Variants in SIPA1L1 observed in about 807,000 individuals in gnomAD.
SIPA1L1 encodes signal-induced proliferation-associated 1-like protein 1.
Under a neutral mutation model 162.7 loss-of-function variants are expected in SIPA1L1, and 26 were observed. The observed-to-expected ratio is 0.16, with a 90% CI of 0.12 to 0.22. The LOEUF is 0.22. Among genes scored for constraint, SIPA1L1 ranks in the 10% least tolerant of loss-of-function variants. The pLI is 1.00. For synonymous variants in SIPA1L1, 829 were observed against 837.4 expected (o/e 0.99, Z 0.17); for missense variants, 1,874 against 2,241.0 (o/e 0.84, Z 3.31).
chr14:71,431,511 C>T (rs556464384), intron 2 of SIPA1L1, among the ~76,000 whole-genome samples: 41 of 151,466 alleles, frequency 2.7e-4, no homozygotes, highest in African/African-American at 8.5e-4. Context: ...TGGGCAACAT[C>T]GTGAGACCTA....
chr14:71,688,181 G>A (rs147937902), intron 13 of SIPA1L1, among the ~76,000 whole-genome samples: 1 of 152,234 alleles, frequency 6.6e-6, no homozygotes, highest in Non-Finnish European at 1.5e-5. Context: ...AGGTACTATA[G>A]ATTGAATATC....
At chr14:71,485,089 A>G (rs923081830) in intron 2 of SIPA1L1, among the ~76,000 whole-genome samples, 2 of 152,214 alleles carry the variant, frequency 1.3e-5, no homozygotes, top group Non-Finnish European at 2.9e-5. Flanking sequence ...GAATAGAGAA[A>G]GAGGTACAAT....
intron 2 of SIPA1L1, among the ~76,000 whole-genome samples, chr14:71,397,644 T>G (rs923622178): frequency 1.3e-5 from 2 of 152,218 alleles, no homozygotes; most frequent in Non-Finnish European, 2.9e-5. Flanking sequence ...ATTTAAAAAC[T>G]TCATGGAATC....
At chr14:71,579,710 A>G (rs115942217) in intron 4 of SIPA1L1, among the ~76,000 whole-genome samples, 1,765 of 152,346 alleles carry the variant, frequency 0.012, 35 homozygotes, top group African/African-American at 0.041. Flanking sequence ...GTTGATATCA[A>G]TCATGATTAA....
At position 71,565,662 on chromosome 14, in the gene SIPA1L1, T is replaced by C. The variant is rs188847678; in HGVS notation, c.-302-21909T>C. Among the ~76,000 whole-genome samples, 72 of 152,344 alleles carry C rather than the reference T, an allele frequency of 4.7e-4. 1 individual carries two copies. The highest frequency in any genetic ancestry group is 1.7e-3 in the African/African-American group (71 of 41,586). On this transcript the variant is annotated intron_variant, in intron 4 of 23. Coordinates refer to ENST00000381232, the MANE Select transcript of SIPA1L1 (RefSeq NM_001386936.1). Reference sequence around the variant, plus strand: ...CATTGCATAAATAAATATCCACATATGGTAAGATTTACTCCTCCTTTAAAT... The same window carrying C: ...CATTGCATAAATAAATATCCACATACGGTAAGATTTACTCCTCCTTTAAAT...
intron 4 of SIPA1L1, among the ~76,000 whole-genome samples, chr14:71,554,828 C>CT (rs1178567591): frequency 2.0e-5 from 3 of 151,758 alleles, no homozygotes; most frequent in Non-Finnish European, 4.4e-5. Context: ...GTGATGAACC[C>CT]TTTTTTTGCA....
chr14:71,661,405 C>T lies in SIPA1L1; in HGVS notation c.2193C>T (p.His731=). Residue 731 remains histidine, a synonymous_variant, in exon 10 of 24, where the codon CAC becomes CAT. Transcript: ENST00000381232. The part of the protein sequence containing the change: ...QPFSPKNIRS[H]FQHVFVIVRV... ...TCAGCCCAAAAAACATCCGATCCCA[C>T]TTCCAGCACGTTTTCGTCATCGTCA... 4.3e-6 allele frequency: 7 copies of T among 1,614,048 alleles called. No individual in the cohort carries two copies. The highest frequency in any genetic ancestry group is 5.1e-6 in the Non-Finnish European group (6 of 1,179,948).
At chr14:71,416,419 G>C (rs974182542) in intron 2 of SIPA1L1, 1 of 151,338 alleles carries the variant, frequency 6.6e-6, no homozygotes, top group Non-Finnish European at 1.5e-5. Context: ...CTTTTGAATT[G>C]AGTTGCTTCG....
At chr14:71,677,351 T>C (rs1299355192) in intron 12 of SIPA1L1, among the ~76,000 whole-genome samples, 2 of 152,236 alleles carry the variant, frequency 1.3e-5, no homozygotes, top group Non-Finnish European at 2.9e-5. Flanking sequence ...TTGTTTAAGT[T>C]CTTTGTAGAT....
intron 2 of SIPA1L1, among the ~76,000 whole-genome samples, chr14:71,476,353 G>A (rs1276538183): frequency 6.6e-6 from 1 of 152,126 alleles, no homozygotes; most frequent in Non-Finnish European, 1.5e-5. Context: ...AGAACTGTTG[G>A]GCTCTGTTGA....
chr14:71,710,839 A>G (rs2082826351), intron 17 of SIPA1L1, among the ~76,000 whole-genome samples: 1 of 151,810 alleles, frequency 6.6e-6, no homozygotes, highest in Non-Finnish European at 1.5e-5. Context: ...AGAAAGAAAG[A>G]AAAAGAAAAG....
In SIPA1L1 at chr14:71,739,497, C is replaced by A. The variant is rs2085618512; in HGVS notation, c.*336C>A. ...TGGACCAGGGCGCCCCCTGGCCCAT[C>A]CGCCTCTATTCCCATCAGCTTTCTT... On this transcript the variant is annotated 3_prime_UTR_variant, in exon 24 of 24. Coordinates refer to ENST00000381232, the MANE Select transcript of SIPA1L1 (RefSeq NM_001386936.1). The A allele has an allele frequency of 1.2e-5, 2 of 162,260 alleles. No homozygotes were observed. The highest frequency in any genetic ancestry group is 2.7e-5 in the Non-Finnish European group (2 of 74,956). 10.1% of individuals were successfully genotyped at this position (162,260 alleles called of 1,614,324 possible).
intron 16 of SIPA1L1, among the ~76,000 whole-genome samples, chr14:71,707,792 C>CT (rs1051665918): frequency 6.6e-6 from 1 of 151,820 alleles, no homozygotes; most frequent in Admixed American, 6.6e-5. Flanking sequence ...TGAAACATGC[C>CT]TTTTTATTTC....
rs551955306 is a variant in SIPA1L1, at chr14:71,579,784, A to G, written c.-302-7787A>G. ...CTCCTTTCTACTTTTTTCCTCAGCT[A>G]AATTTAAACGTGTTTTTTCAAGTGC... On this transcript the variant is annotated intron_variant, in intron 4 of 23. Transcript: ENST00000381232. 3.2e-4 allele frequency among the ~76,000 whole-genome samples: 49 copies of G among 152,302 alleles called. 1 individual carries two copies. The East Asian group carries it at 5.4e-3, about 17-fold the overall frequency.
intron 12 of SIPA1L1, among the ~76,000 whole-genome samples, chr14:71,680,447 A>T (rs189720170): frequency 2.3e-4 from 35 of 152,362 alleles, no homozygotes; most frequent in African/African-American, 8.2e-4. Flanking sequence ...GGAAACTTAT[A>T]GCACTAAATA....
intron 5 of SIPA1L1, among the ~76,000 whole-genome samples, chr14:71,615,606 C>G (rs982184042): frequency 3.9e-5 from 6 of 152,098 alleles, no homozygotes; most frequent in African/African-American, 1.2e-4. Context: ...GTAGCAGTTG[C>G]TGAAATAGGG....
intron 2 of SIPA1L1, among the ~76,000 whole-genome samples, chr14:71,412,273 G>A (rs2042459965): frequency 6.6e-6 from 1 of 152,180 alleles, no homozygotes; most frequent in Non-Finnish European, 1.5e-5. Flanking sequence ...ACACAAACTT[G>A]TAAACTTCCT....
rs922023349 is a variant in SIPA1L1, at chr14:71,705,729, ATC to A, written c.3765+391_3765+392del. On this transcript the variant is annotated intron_variant, in intron 16 of 23. Coordinates refer to ENST00000381232, the MANE Select transcript of SIPA1L1 (RefSeq NM_001386936.1). ...CCAGCAGGACTGATGCTCCAACCATATCTTTGATTCTGCTGCAGTAAAGGAGG... is the reference window on the plus strand; with the variant it reads ...CCAGCAGGACTGATGCTCCAACCATATTTGATTCTGCTGCAGTAAAGGAGG... Among the ~76,000 whole-genome samples the A allele has an allele frequency of 2.3e-4, 35 of 152,052 alleles. 1 individual carries two copies. The highest frequency in any genetic ancestry group is 1.6e-3 in the Admixed American group (25 of 15,284).
At chr14:71,366,228 T>C (rs1471070998) in intron 2 of SIPA1L1, among the ~76,000 whole-genome samples, 1 of 152,086 alleles carries the variant, frequency 6.6e-6, no homozygotes, top group Non-Finnish European at 1.5e-5. Flanking sequence ...GAAGTCTTAG[T>C]GGTGGTGTAG....
Sources: gnomAD v4.1 joint callset for allele counts (sites outside exome capture counted in the v4.1 genomes callset) on GRCh38, gnomAD v4.1.1 for gene constraint, MANE v1.5 for transcripts, NCBI Gene and HGNC (gene_info 2026-07-23, HGNC 2026-07-21) for gene names.